Variants in TNS3 observed in about 807,000 individuals in gnomAD.
TNS3 encodes tensin-3.
In TNS3, 45 loss-of-function variants were observed where a neutral mutation model predicts 140.9. The ratio of observed to expected loss-of-function variants is 0.32; its 90% CI spans 0.25 to 0.41. TNS3 has a LOEUF of 0.41. Among genes scored for constraint, TNS3 ranks in the 10% least tolerant of loss-of-function variants. The pLI, the probability that TNS3 is intolerant of heterozygous loss-of-function variation, is 1.00. For synonymous variants in TNS3, 815 were observed against 788.4 expected, an observed-to-expected ratio of 1.03 and a Z score of -0.56; for missense variants, 1,716 against 1,906.7, an observed-to-expected ratio of 0.90 and a Z score of 1.86.
At chr7:47,306,085 C>T (rs1013107874) in intron 20 of TNS3, among the ~76,000 whole-genome samples, 2 of 152,032 alleles carry the variant, frequency 1.3e-5, no homozygotes, top group East Asian at 3.8e-4. Flanking sequence ...CAAATGAAAA[C>T]CAATAATAAA....
intron 13 of TNS3, among the ~76,000 whole-genome samples, chr7:47,410,359 T>C (rs1046847128): frequency 5.3e-5 from 8 of 152,220 alleles, no homozygotes; most frequent in Admixed American, 3.3e-4. Context: ...CTTTCTTGCC[T>C]ATGAAACAGG....
At chr7:47,568,702 G>T (rs557473455) in intron 1 of TNS3, among the ~76,000 whole-genome samples, 1 of 152,354 alleles carries the variant, frequency 6.6e-6, no homozygotes, top group South Asian at 2.1e-4. Context: ...GTGCCATATC[G>T]CATTCGTGCA....
intron 15 of TNS3, among the ~76,000 whole-genome samples, chr7:47,399,037 A>C (rs1474315477): frequency 6.6e-6 from 1 of 151,400 alleles, no homozygotes; most frequent in African/African-American, 2.4e-5. Context: ...ACAATGACCA[A>C]ACTGACAATC....
chr7:47,504,251 G>A (rs1798331973), intron 3 of TNS3, among the ~76,000 whole-genome samples: 2 of 152,194 alleles, frequency 1.3e-5, no homozygotes, highest in Admixed American at 1.3e-4. Flanking sequence ...CTCCCTGCCT[G>A]AGGCAGGTCC....
At chr7:47,514,055 T>C (rs1393287985) in intron 2 of TNS3, among the ~76,000 whole-genome samples, 1 of 152,254 alleles carries the variant, frequency 6.6e-6, no homozygotes, top group East Asian at 1.9e-4. Context: ...GAATCTTTTA[T>C]ACAACACTCG....
intron 1 of TNS3, among the ~76,000 whole-genome samples, chr7:47,543,696 ATGAGAG>A (rs1227674204): frequency 4.6e-5 from 7 of 152,218 alleles, no homozygotes; most frequent in Non-Finnish European, 1.0e-4. Context: ...AACGTGATGA[ATGAGAG>A]TCCACTGGCC....
intron 9 of TNS3, among the ~76,000 whole-genome samples, chr7:47,424,935 T>C (rs894440789): frequency 6.6e-6 from 1 of 152,242 alleles, no homozygotes; most frequent in Non-Finnish European, 1.5e-5. Context: ...AGGGCATTCA[T>C]GGGATTTCTT....
In TNS3 at chr7:47,368,909, A is replaced by G. The variant is rs1474862565; in HGVS notation, c.1737T>C (p.Tyr579=). The change falls in exon 17 of 31, where the codon TAT becomes TAC. Residue 579 remains tyrosine, a synonymous_variant. Transcript: ENST00000311160. ...TCTGTGTGGAGTAGCTGCTCTGCCC[A>G]TAGGCCTGCATCTGGGCGGACACTG... ...KPSVSAQMQA[Y]GQSSYSTQTW... 1.9e-6 allele frequency: 3 copies of G among 1,613,500 alleles called. No individual in the cohort carries two copies. The highest frequency in any genetic ancestry group is 2.5e-6 in the Non-Finnish European group (3 of 1,179,730).
At chr7:47,568,746 G>A (rs1037987666) in intron 1 of TNS3, among the ~76,000 whole-genome samples, 1 of 152,226 alleles carries the variant, frequency 6.6e-6, no homozygotes, top group South Asian at 2.1e-4. Flanking sequence ...TGGAAACCCC[G>A]GCAGATGTGG....
At chr7:47,452,359 G>A (rs918396972) in intron 4 of TNS3, among the ~76,000 whole-genome samples, 1 of 152,194 alleles carries the variant, frequency 6.6e-6, no homozygotes, top group Non-Finnish European at 1.5e-5. Context: ...TGTCAGGATT[G>A]CCCAACTTGA....
intron 2 of TNS3, among the ~76,000 whole-genome samples, chr7:47,524,425 C>T (rs948471513): frequency 1.3e-5 from 2 of 152,184 alleles, no homozygotes; most frequent in Admixed American, 6.5e-5. Flanking sequence ...CCCAGAGCCA[C>T]GAACAGGGAC....
intron 2 of TNS3, among the ~76,000 whole-genome samples, chr7:47,516,126 T>C (rs1584798703): frequency 6.6e-6 from 1 of 152,258 alleles, no homozygotes; most frequent in South Asian, 2.1e-4. Flanking sequence ...AAAATGCAAA[T>C]GTATATGACA....
chr7:47,533,468 G>A (rs374929303), intron 1 of TNS3, among the ~76,000 whole-genome samples: 22 of 150,782 alleles, frequency 1.5e-4, no homozygotes, highest in African/African-American at 5.1e-4. Flanking sequence ...GAAAAAAGAG[G>A]TACCTTGCTG....
chr7:47,350,489 T>A (rs943123245), intron 17 of TNS3, among the ~76,000 whole-genome samples: 2 of 152,198 alleles, frequency 1.3e-5, no homozygotes, highest in Non-Finnish European at 2.9e-5. Flanking sequence ...AGTTTTCAAG[T>A]TCTTCCCATC....
Position 47,428,819 on chromosome 7 carries a change from C to T in TNS3, c.325-443G>A, listed in dbSNP as rs1584637385. Among the ~76,000 whole-genome samples, 6 of 152,372 alleles carry T rather than the reference C, an allele frequency of 3.9e-5. No homozygotes were observed. The South Asian group carries it at 1.2e-3, about 32-fold the overall frequency. On this transcript the variant is annotated intron_variant, in intron 8 of 30. Coordinates refer to ENST00000311160, the MANE Select transcript of TNS3 (RefSeq NM_022748.12). ...ATGATGGGACATAGATTCCAGCTTA[C>T]TGGCAGCACTGCCGGCACCTGAGCT...
intron 20 of TNS3, among the ~76,000 whole-genome samples, chr7:47,306,315 C>T (rs1412092671): frequency 6.6e-6 from 1 of 152,170 alleles, no homozygotes; most frequent in Admixed American, 6.5e-5. Flanking sequence ...ATTACCTCCA[C>T]ATACAGGATG....
chr7:47,378,694 AC>A (rs1324250310), intron 16 of TNS3, among the ~76,000 whole-genome samples: 1 of 152,098 alleles, frequency 6.6e-6, no homozygotes, highest in Non-Finnish European at 1.5e-5. Flanking sequence ...CCTCTGCTTA[AC>A]CCACAAGGTT....
At chr7:47,318,867 G>A (rs1377008179) in intron 20 of TNS3, among the ~76,000 whole-genome samples, 2 of 152,240 alleles carry the variant, frequency 1.3e-5, no homozygotes, top group Non-Finnish European at 2.9e-5. Context: ...TTGGTTCCAA[G>A]TCTTTAGTCC....
At chr7:47,518,444 A>T (rs1377213351) in intron 2 of TNS3, among the ~76,000 whole-genome samples, 1 of 152,194 alleles carries the variant, frequency 6.6e-6, no homozygotes, top group Non-Finnish European at 1.5e-5. Flanking sequence ...TCAAGACAAC[A>T]GCCCCTAAAA....
Sources: allele counts gnomAD v4.1 joint callset (sites outside exome capture counted in the v4.1 genomes callset), GRCh38; gene constraint gnomAD v4.1.1; transcripts MANE v1.5; gene names NCBI Gene and HGNC (gene_info 2026-07-23, HGNC 2026-07-21).